Variants in KLF13 observed in about 807,000 individuals in gnomAD.
KLF13 encodes KLF transcription factor 13.
In KLF13, 8 loss-of-function variants were observed where a neutral mutation model predicts 16.7. The observed-to-expected ratio is 0.48, with a 90% confidence interval of 0.28 to 0.87. The LOEUF (loss-of-function observed/expected upper bound fraction) is 0.87. KLF13 is among the 40% of genes least tolerant of loss of function. KLF13 has a pLI of 0.10. For missense variants in KLF13, 447 were observed against 452.2 expected (o/e 0.99, Z 0.10); for synonymous variants, 245 against 208.4 (o/e 1.18, Z -1.51).
intron 1 of KLF13, among the ~76,000 whole-genome samples, chr15:31,350,062 A>G (rs2039192083): frequency 6.6e-6 from 1 of 152,206 alleles, no homozygotes. Flanking sequence ...GCTTTTCTCC[A>G]TTGAGTGAAG....
chr15:31,392,672 G>A (rs575653212), upstream of KLF13, among the ~76,000 whole-genome samples: 8 of 152,318 alleles, frequency 5.3e-5, no homozygotes, highest in South Asian at 1.7e-3. Flanking sequence ...CAGTGACTTG[G>A]GTGACGTTTT....
chr15:31,377,286 A>G lies in KLF13; in HGVS notation c.*4987A>G, dbSNP rs1373639259. On this transcript the variant is annotated 3_prime_UTR_variant, in exon 2 of 2. Coordinates refer to ENST00000307145, the MANE Select transcript of KLF13 (RefSeq NM_015995.4). ...CTGCCTCTGGGTGTGTGAGTGGGAG[A>G]CTTTGCTCCCTGGCCTCATCCTAGA... The G allele has an allele frequency of 6.7e-6, 1 of 150,038 alleles. No individual in the cohort carries two copies. Among genetic ancestry groups the G allele is most frequent in the Non-Finnish European group, 1.5e-5 (1 of 66,830 alleles). The allele number at this position is 150,038 out of a possible 1,614,324, so 9.3% of individuals were successfully genotyped here. A position where few individuals can be genotyped will look rare whatever the true frequency, so the allele number is the denominator to read the frequency against.
intron 1 of KLF13, among the ~76,000 whole-genome samples, chr15:31,430,613 TC>T (rs2040460550): frequency 6.6e-6 from 1 of 152,172 alleles, no homozygotes; most frequent in African/African-American, 2.4e-5. Context: ...TAACCACCTC[TC>T]CTTAAGGCCC....
At chr15:31,342,160 T>C (rs536911126) in intron 1 of KLF13, among the ~76,000 whole-genome samples, 1 of 152,242 alleles carries the variant, frequency 6.6e-6, no homozygotes, top group African/African-American at 2.4e-5. Flanking sequence ...AGTCCACCTC[T>C]CTGAGGTGGG....
chr15:31,430,584 T>A (rs2040459991), intron 1 of KLF13, among the ~76,000 whole-genome samples: 1 of 152,140 alleles, frequency 6.6e-6, no homozygotes, highest in African/African-American at 2.4e-5. Context: ...ACAAATTCAT[T>A]CACTCTGCCC....
intron 1 of KLF13, among the ~76,000 whole-genome samples, chr15:31,425,401 A>G (rs2040389050): frequency 6.6e-6 from 1 of 152,258 alleles, no homozygotes; most frequent in East Asian, 1.9e-4. Flanking sequence ...GACAGTGATC[A>G]GAATAGTATG....
intron 1 of KLF13, among the ~76,000 whole-genome samples, chr15:31,413,056 G>C (rs1168433735): frequency 3.3e-5 from 5 of 152,088 alleles, no homozygotes; most frequent in African/African-American, 1.2e-4. Flanking sequence ...GGGCACTCTT[G>C]AAAACAAAAG....
chr15:31,371,213 C>T (rs1465781218), intron 1 of KLF13, among the ~76,000 whole-genome samples: 3 of 152,150 alleles, frequency 2.0e-5, no homozygotes, highest in African/African-American at 7.2e-5. Flanking sequence ...GCCTGTCTCC[C>T]GCTCCGAGTG....
upstream of KLF13, chr15:31,392,814 A>AC (rs1566833046): frequency 3.3e-5 from 4 of 121,196 alleles, no homozygotes; most frequent in East Asian, 4.8e-4. Flanking sequence ...ATTGCCCCCC[A>AC]CCCCGCCCCC....
At chr15:31,397,347 T>A (rs970133333) in intron 2 of KLF13, among the ~76,000 whole-genome samples, 5 of 152,174 alleles carry the variant, frequency 3.3e-5, no homozygotes, top group African/African-American at 1.2e-4. Flanking sequence ...ACCGGGAGAA[T>A]AATTACGAGC....
chr15:31,369,869 T>A (rs2039530275), intron 1 of KLF13, among the ~76,000 whole-genome samples: 1 of 152,168 alleles, frequency 6.6e-6, no homozygotes, highest in Non-Finnish European at 1.5e-5. Context: ...CCAGCCTTGT[T>A]CCTTTGTGGA....
At chr15:31,340,233 C>T (rs781276676) in intron 1 of KLF13, among the ~76,000 whole-genome samples, 11 of 152,250 alleles carry the variant, frequency 7.2e-5, no homozygotes, top group Admixed American at 1.3e-4. Flanking sequence ...CAACCTCAGG[C>T]GTGAACCTGC....
chr15:31,431,828 C>T (rs992948701), intron 1 of KLF13, among the ~76,000 whole-genome samples: 2 of 152,204 alleles, frequency 1.3e-5, no homozygotes, highest in African/African-American at 4.8e-5. Flanking sequence ...GCAAACACTG[C>T]ACGATTCAAT....
At chr15:31,407,225 C>T (rs567942252), downstream of KLF13, among the ~76,000 whole-genome samples, 2 of 152,222 alleles carry the variant, frequency 1.3e-5, no homozygotes, top group South Asian at 4.1e-4. Context: ...CACCTGTAAT[C>T]CCATTATTTT....
intron 1 of KLF13, among the ~76,000 whole-genome samples, chr15:31,332,308 C>T (rs1566800877): frequency 6.6e-6 from 1 of 152,238 alleles, no homozygotes; most frequent in Non-Finnish European, 1.5e-5. Context: ...GTTTCCTTCT[C>T]CCAATTCTCC....
downstream of KLF13, among the ~76,000 whole-genome samples, chr15:31,408,293 A>C (rs1247497664): frequency 6.6e-6 from 1 of 152,230 alleles, no homozygotes; most frequent in African/African-American, 2.4e-5. Context: ...CCAGGTAGTC[A>C]CAGAGAAGAC....
chr15:31,358,454 ATATG>A (rs1184457879), intron 1 of KLF13, among the ~76,000 whole-genome samples: 2 of 152,234 alleles, frequency 1.3e-5, no homozygotes, highest in African/African-American at 4.8e-5. Context: ...ATTCTCATAA[ATATG>A]TATAGTGATA....
intron 1 of KLF13, among the ~76,000 whole-genome samples, chr15:31,365,771 C>T (rs1052536715): frequency 1.3e-5 from 2 of 152,156 alleles, no homozygotes; most frequent in East Asian, 3.9e-4. Flanking sequence ...CTGGAGCACG[C>T]ACACTCCTGA....
At chr15:31,381,302 C>T (rs79055152), downstream of KLF13, among the ~76,000 whole-genome samples, 199 of 152,190 alleles carry the variant, frequency 1.3e-3, no homozygotes, top group African/African-American at 4.7e-3. Flanking sequence ...ACAAGTCTTA[C>T]AGGGCTAAAA....
Sources: gnomAD v4.1 joint callset for allele counts (sites outside exome capture counted in the v4.1 genomes callset) on GRCh38, gnomAD v4.1.1 for gene constraint, MANE v1.5 for transcripts, NCBI Gene and HGNC (gene_info 2026-07-23, HGNC 2026-07-21) for gene names.